GPBP1: variants seen among roughly 807,000 people sequenced by gnomAD.
GPBP1 encodes the protein vasculin.
Under a neutral mutation model 56.5 loss-of-function variants are expected in GPBP1, and 13 were observed. That is an observed-to-expected ratio of 0.23 (90% confidence interval 0.15 to 0.37). The LOEUF is 0.37. GPBP1 is among the 10% of genes least tolerant of loss of function. The pLI, the probability that GPBP1 is intolerant of heterozygous loss-of-function variation, is 1.00. For synonymous variants in GPBP1, 204 were observed against 188.9 expected (o/e 1.08, Z -0.66); for missense variants, 477 against 572.3 (o/e 0.83, Z 1.70).
intron 5 of GPBP1, among the ~76,000 whole-genome samples, chr5:57,233,228 A>G (rs947451693): frequency 1.3e-5 from 2 of 152,176 alleles, no homozygotes; most frequent in African/African-American, 4.8e-5. Flanking sequence ...GGAAGGTTTC[A>G]GTAAGAGGAA....
intron 3 of GPBP1, among the ~76,000 whole-genome samples, chr5:57,225,606 C>T (rs796355381): frequency 5.9e-5 from 9 of 151,908 alleles, no homozygotes; most frequent in African/African-American, 2.2e-4. Flanking sequence ...AGACACAAGA[C>T]TAACCAATTT....
At chr5:57,255,965 G>A (rs1741637676) in intron 10 of GPBP1, among the ~76,000 whole-genome samples, 1 of 151,988 alleles carries the variant, frequency 6.6e-6, no homozygotes, top group African/African-American at 2.4e-5. Context: ...AAATCAAGAT[G>A]AAAACATCCG....
At chr5:57,233,590 G>C (rs1414333605) in intron 5 of GPBP1, among the ~76,000 whole-genome samples, 3 of 152,150 alleles carry the variant, frequency 2.0e-5, no homozygotes, top group Non-Finnish European at 4.4e-5. Flanking sequence ...TTACAGGTAA[G>C]CTAGAGAAAA....
chr5:57,258,279 A>T (rs1430081500), intron 10 of GPBP1, among the ~76,000 whole-genome samples: 3 of 152,220 alleles, frequency 2.0e-5, no homozygotes, highest in African/African-American at 4.8e-5. Flanking sequence ...TGACAGGGAT[A>T]TATTCTGAGA....
At chr5:57,174,556 G>A (rs1386737339) in intron 1 of GPBP1, among the ~76,000 whole-genome samples, 2 of 152,134 alleles carry the variant, frequency 1.3e-5, no homozygotes, top group African/African-American at 4.8e-5. Flanking sequence ...TCTTGCACAC[G>A]CCCGCCTGGT....
chr5:57,211,594 G>GTTGTTT (rs1755481660), intron 2 of GPBP1, among the ~76,000 whole-genome samples: 1 of 151,982 alleles, frequency 6.6e-6, no homozygotes, highest in Non-Finnish European at 1.5e-5. Flanking sequence ...TGTTGTTGTT[G>GTTGTTT]TTGTTGTTGG....
intron 2 of GPBP1, among the ~76,000 whole-genome samples, chr5:57,196,139 CA>C (rs1475632561): frequency 6.6e-6 from 1 of 151,708 alleles, no homozygotes; most frequent in East Asian, 1.9e-4. Flanking sequence ...TACCTACTTT[CA>C]GTTTTTAAAG....
rs1430875481 is a variant in GPBP1 at position 57,262,586 on chromosome 5, CATTTT to C, written c.1264-6_1264-2del. 1.9e-6 allele frequency: 3 copies of C among 1,595,396 alleles called. No individual in the cohort carries two copies. Among genetic ancestry groups the C allele is most frequent in the Non-Finnish European group, 2.6e-6 (3 of 1,163,662 alleles). On this transcript the variant is annotated splice_polypyrimidine_tract_variant and splice_region_variant and intron_variant, in intron 11 of 11. Coordinates refer to ENST00000506184, the MANE Select transcript of GPBP1 (RefSeq NM_022913.4). ...GATAATTTATTTATTTTGCTGTTAA[CATTTT>C]AGTTACAGAAGAATGGTCTGAGAAA...
At chr5:57,231,518 C>A (rs1220440665) in intron 5 of GPBP1, among the ~76,000 whole-genome samples, 197 bp downstream of exon 5, 1 of 152,134 alleles carries the variant, frequency 6.6e-6, no homozygotes, top group East Asian at 1.9e-4. Flanking sequence ...GGTGATCCAC[C>A]TACCTCAGCC....
At chr5:57,177,817 A>C (rs1163919975) in intron 2 of GPBP1, among the ~76,000 whole-genome samples, 2 of 151,522 alleles carry the variant, frequency 1.3e-5, no homozygotes, top group African/African-American at 4.9e-5. Context: ...GCAATTTTTG[A>C]ACTCTTTACC....
intron 1 of GPBP1, among the ~76,000 whole-genome samples, chr5:57,174,413 G>A (rs1231096366): frequency 6.6e-6 from 1 of 152,088 alleles, no homozygotes. Flanking sequence ...CGGCCCGGGT[G>A]GAGCGGAGGT....
intron 2 of GPBP1, among the ~76,000 whole-genome samples, chr5:57,203,833 T>C (rs527400222): frequency 4.8e-4 from 73 of 152,290 alleles, no homozygotes; most frequent in Non-Finnish European, 9.3e-4. Context: ...ATGTGATCTG[T>C]AAACAGATAG....
chr5:57,248,624 C>T (rs532207415), intron 8 of GPBP1, among the ~76,000 whole-genome samples: 6 of 151,754 alleles, frequency 4.0e-5, no homozygotes, highest in Non-Finnish European at 7.4e-5. Flanking sequence ...TTAGTAGAGA[C>T]GGGGTTTCAC....
intron 2 of GPBP1, among the ~76,000 whole-genome samples, chr5:57,200,523 A>G (rs939901028): frequency 6.6e-6 from 1 of 151,696 alleles, no homozygotes; most frequent in African/African-American, 2.4e-5. Context: ...ATGCGCCACC[A>G]TGGCTGGCTA....
At chr5:57,245,630 A>G (rs1741054857) in intron 6 of GPBP1, 2 of 152,224 alleles carry the variant, frequency 1.3e-5, no homozygotes, top group Admixed American at 1.3e-4. Flanking sequence ...TAGGAATAAT[A>G]GGTATTTTTG....
chr5:57,208,326 C>T (rs943148097), intron 2 of GPBP1, among the ~76,000 whole-genome samples: 1 of 151,256 alleles, frequency 6.6e-6, no homozygotes, highest in African/African-American at 2.4e-5. Context: ...CTCCACTTCC[C>T]GGGCTCAAGC....
chr5:57,236,112 GAGAGCA>G, intron 6 of GPBP1, 80 bp downstream of exon 6: 1 of 906,104 alleles, frequency 1.1e-6, no homozygotes, highest in South Asian at 1.4e-5. Context: ...TTTTAAAATA[GAGAGCA>G]GGCTAGAATA....
At chr5:57,222,194 T>G (rs1755983740) in intron 3 of GPBP1, among the ~76,000 whole-genome samples, 1 of 152,170 alleles carries the variant, frequency 6.6e-6, no homozygotes, top group Non-Finnish European at 1.5e-5. Flanking sequence ...TAAGAGGGAA[T>G]GGATGGAGAT....
intron 6 of GPBP1, among the ~76,000 whole-genome samples, chr5:57,241,864 G>A (rs1296915467): frequency 6.6e-6 from 1 of 152,146 alleles, no homozygotes; most frequent in African/African-American, 2.4e-5. Context: ...GTAAACATTG[G>A]ATAATGTTTG....
Sources: allele counts gnomAD v4.1 joint callset (sites outside exome capture counted in the v4.1 genomes callset), GRCh38; gene constraint gnomAD v4.1.1; transcripts MANE v1.5; gene names NCBI Gene and HGNC (gene_info 2026-07-23, HGNC 2026-07-21).